The following ITGA9 variants were observed in gnomAD, a reference collection of about 807,000 sequenced individuals.
ITGA9 encodes integrin alpha-9.
In ITGA9, 56 loss-of-function variants were observed where a neutral mutation model predicts 127.8. That is an observed-to-expected ratio of 0.44 (90% CI 0.35 to 0.55). The LOEUF is 0.55. Among genes scored for constraint, ITGA9 ranks in the 20% least tolerant of loss-of-function variants. The pLI is 0.00. For missense variants in ITGA9, 1,196 were observed against 1,347.1 expected, an observed-to-expected ratio of 0.89 and a Z score of 1.76; for synonymous variants, 508 against 514.5, an observed-to-expected ratio of 0.99 and a Z score of 0.17.
chr3:37,639,789 A>C (rs1700314981), intron 16 of ITGA9, among the ~76,000 whole-genome samples: 1 of 152,076 alleles, frequency 6.6e-6, no homozygotes, highest in Non-Finnish European at 1.5e-5. Context: ...TTGACTCCTA[A>C]TTAATTGCTA....
intron 20 of ITGA9, among the ~76,000 whole-genome samples, chr3:37,740,346 G>A (rs769253799): frequency 1.3e-5 from 2 of 152,162 alleles, no homozygotes; most frequent in African/African-American, 2.4e-5. Context: ...AACTGTGAAT[G>A]TAGGTTCAAG....
intron 15 of ITGA9, among the ~76,000 whole-genome samples, chr3:37,548,767 T>C (rs1324585677): frequency 6.6e-6 from 1 of 152,194 alleles, no homozygotes; most frequent in Non-Finnish European, 1.5e-5. Context: ...CTTGGACATA[T>C]GTCCTACAGA....
intron 15 of ITGA9, chr3:37,585,710 T>G (rs750619931): frequency 2.3e-4 from 116 of 498,102 alleles, no homozygotes; most frequent in Non-Finnish European, 3.8e-4. Context: ...GTAATTGCCT[T>G]ACTTTATTTG....
chr3:37,542,886 G>A (rs1249380603), intron 15 of ITGA9, among the ~76,000 whole-genome samples: 1 of 151,884 alleles, frequency 6.6e-6, no homozygotes, highest in Non-Finnish European at 1.5e-5. Flanking sequence ...ATGAGGCTTG[G>A]TAGCCTTTTC....
rs796205517 is a variant in ITGA9 at position 37,542,557 on chromosome 3, C to G, written c.1661C>G (p.Thr554Arg). The G allele has an allele frequency of 2.5e-6, 4 of 1,614,142 alleles. No individual in the cohort carries two copies. The highest frequency in any genetic ancestry group is 3.4e-6 in the Non-Finnish European group (4 of 1,180,018). The part of the protein sequence containing the change: ...EKLQLTYMEE[T>R]CRHYVAHVKR... Reference sequence around the variant, plus strand: ...CTGCAGCTGACTTACATGGAGGAGACGTGTCGTCACTATGTGGCCCATGTG... The same window carrying G: ...CTGCAGCTGACTTACATGGAGGAGAGGTGTCGTCACTATGTGGCCCATGTG... Residue 554 changes from threonine (T) to arginine (R), a missense_variant, in exon 15 of 28, where the codon ACG (threonine) becomes AGG (arginine). Transcript: ENST00000264741.
intron 6 of ITGA9, among the ~76,000 whole-genome samples, chr3:37,503,894 G>C (rs1350542349): frequency 1.3e-5 from 2 of 152,142 alleles, no homozygotes; most frequent in African/African-American, 2.4e-5. Context: ...ACAGACATAG[G>C]CTGTCTTTGC....
intron 16 of ITGA9, among the ~76,000 whole-genome samples, chr3:37,652,195 G>T (rs1359820218): frequency 1.3e-5 from 2 of 152,076 alleles, no homozygotes; most frequent in Non-Finnish European, 2.9e-5. Context: ...ATGTCAGCTG[G>T]GGACCTCTAA....
At chr3:37,618,937 C>T (rs537240934) in intron 15 of ITGA9, among the ~76,000 whole-genome samples, 9 of 152,262 alleles carry the variant, frequency 5.9e-5, no homozygotes, top group African/African-American at 1.2e-4. Flanking sequence ...CGCCCTGCTT[C>T]GGCTCACGCT....
rs1575173339 is a variant in ITGA9, at chr3:37,629,040, T to C, written c.1690-147T>C. 3 of 933,692 alleles carry C rather than the reference T, an allele frequency of 3.2e-6. No homozygotes were observed. In the Admixed American group the frequency reaches 6.0e-5, roughly 19 times the overall value. 57.8% of individuals were successfully genotyped at this position (933,692 alleles called of 1,614,324 possible). On this transcript the variant is annotated intron_variant, in intron 15 of 27. Transcript: ENST00000264741. This position sits in a 1 kb window ranked among gnomAD's most constrained non-coding sequence, Gnocchi z 4.5. The stretch of plus-strand genomic sequence containing the variant: ...TAGGCCTCAATTACCTCATTTAAAA[T>C]ATGAAAGTCATAAAACCCTACCTCA...
At chr3:37,590,409 G>T (rs763303011) in intron 15 of ITGA9, among the ~76,000 whole-genome samples, 7 of 152,196 alleles carry the variant, frequency 4.6e-5, no homozygotes, top group Non-Finnish European at 1.0e-4. Context: ...GTGCATGAGG[G>T]AGCCAACAGG....
intron 22 of ITGA9, among the ~76,000 whole-genome samples, chr3:37,750,071 C>T (rs545519052): frequency 1.4e-4 from 21 of 149,092 alleles, no homozygotes; most frequent in Admixed American, 1.4e-3. Flanking sequence ...TGTGTTTTAA[C>T]AAGCCCCTCA....
At chr3:37,518,987 G>A (rs2125580248) in intron 10 of ITGA9, among the ~76,000 whole-genome samples, 1 of 151,328 alleles carries the variant, frequency 6.6e-6, no homozygotes, top group South Asian at 2.1e-4. Context: ...GTTTCACTAT[G>A]TTGGCCAGGC....
At chr3:37,549,463 C>A (rs1472599896) in intron 15 of ITGA9, among the ~76,000 whole-genome samples, 1 of 152,144 alleles carries the variant, frequency 6.6e-6, no homozygotes, top group Non-Finnish European at 1.5e-5. Flanking sequence ...ATGTGAGATG[C>A]AGTTTGTAGC....
intron 1 of ITGA9, among the ~76,000 whole-genome samples, chr3:37,464,090 A>G (rs990899122): frequency 1.3e-5 from 2 of 150,944 alleles, no homozygotes; most frequent in Non-Finnish European, 2.9e-5. Context: ...GAGAGTTGCT[A>G]GGTAGATTTC....
At chr3:37,543,792 T>C (rs917507919) in intron 15 of ITGA9, among the ~76,000 whole-genome samples, 3 of 152,222 alleles carry the variant, frequency 2.0e-5, no homozygotes, top group African/African-American at 7.2e-5. Context: ...CCAGAGCCCA[T>C]GAGTCCATGC....
chr3:37,544,415 A>C (rs192694560), intron 15 of ITGA9, among the ~76,000 whole-genome samples: 4 of 152,334 alleles, frequency 2.6e-5, no homozygotes, highest in Admixed American at 2.0e-4. Context: ...ATTTTTTAGT[A>C]TGAGTGTGTC....
chr3:37,819,113 T>C lies in ITGA9; in HGVS notation c.*124T>C, dbSNP rs1697480145. ...AGGCCCCACTGATGCTGTTCTCTTC[T>C]TCATTCTATCAAGCCCAGGTGCCAG... On this transcript the variant is annotated 3_prime_UTR_variant, in exon 28 of 28. Transcript: ENST00000264741. 3.8e-6 allele frequency: 3 copies of C among 789,000 alleles called. No homozygotes were observed. Among genetic ancestry groups the C allele is most frequent in the Non-Finnish European group, 6.6e-6 (3 of 455,540 alleles). The allele number at this position is 789,000 out of a possible 1,614,324, so 48.9% of individuals were successfully genotyped here.
chr3:37,638,402 A>T (rs1467126397), intron 16 of ITGA9, among the ~76,000 whole-genome samples: 2 of 151,402 alleles, frequency 1.3e-5, no homozygotes, highest in Non-Finnish European at 2.9e-5. Context: ...AGCCTGAGAG[A>T]AGTTCTGGGA....
At chr3:37,513,612 G>A in intron 8 of ITGA9, 151 bp from the exon 9 acceptor site, 1 of 778,924 alleles carries the variant, frequency 1.3e-6, no homozygotes, top group Non-Finnish European at 2.2e-6. Context: ...GCAGGCCCTG[G>A]TGTGTGATGT....
Sources: allele counts gnomAD v4.1 joint callset (sites outside exome capture counted in the v4.1 genomes callset), GRCh38; gene constraint gnomAD v4.1.1; non-coding constraint Gnocchi (gnomAD v3.1); transcripts MANE v1.5; gene names NCBI Gene and HGNC (gene_info 2026-07-23, HGNC 2026-07-21).